Variants in CACNA1D observed in about 807,000 individuals in gnomAD.
The protein encoded by CACNA1D is calcium voltage-gated channel subunit alpha1 D, also known as voltage-dependent L-type calcium channel subunit alpha-1D.
In CACNA1D, 55 loss-of-function variants were observed where a neutral mutation model predicts 257.1. The ratio of observed to expected loss-of-function variants is 0.21; its 90% CI spans 0.17 to 0.27. The LOEUF is 0.27. Among genes scored for constraint, CACNA1D ranks in the 10% least tolerant of loss-of-function variants. The pLI is 1.00. For synonymous variants in CACNA1D, 980 were observed against 1,014.9 expected (o/e 0.97, Z 0.65); for missense variants, 1,876 against 2,784.0 (o/e 0.67, Z 7.34).
chr3:53,651,041 AC>A, intron 4 of CACNA1D, 123 bp downstream of exon 4: 3 of 865,616 alleles, frequency 3.5e-6, no homozygotes, highest in Non-Finnish European at 5.8e-6. Context: ...CAGCTGTTGC[AC>A]CAGAACCTCT....
At chr3:53,713,543 T>TGTGTGTGTGTGTGAGA (rs377132134) in intron 9 of CACNA1D, among the ~76,000 whole-genome samples, 7 of 120,932 alleles carry the variant, frequency 5.8e-5, no homozygotes, top group African/African-American at 1.8e-4. Context: ...TGTGTGTGTG[T>TGTGTGTGTGTGTGAGA]GAGAGATTTG....
chr3:53,679,865 AG>A (rs2094412872), intron 8 of CACNA1D: 3 of 152,220 alleles, frequency 2.0e-5, no homozygotes, highest in African/African-American at 7.2e-5. Context: ...GGAAAGATTC[AG>A]GGTCCTTCGG....
chr3:53,753,424 G>T (rs1216423518), intron 28 of CACNA1D, 148 bp from the exon 29 acceptor site: 3 of 712,830 alleles, frequency 4.2e-6, no homozygotes, highest in African/African-American at 3.5e-5. Flanking sequence ...TTCACCACAT[G>T]ACCTTGCAAT....
At chr3:53,553,847 C>T (rs892573165) in intron 3 of CACNA1D, among the ~76,000 whole-genome samples, 1 of 150,932 alleles carries the variant, frequency 6.6e-6, no homozygotes, top group Admixed American at 6.6e-5. Context: ...AAGGCCTAAG[C>T]CTTTGCAGTA....
intron 45 of CACNA1D, 35 bp downstream of exon 45, chr3:53,805,181 C>T (rs766717028): frequency 4.8e-5 from 77 of 1,602,184 alleles, no homozygotes; most frequent in Non-Finnish European, 6.3e-5. Flanking sequence ...GTGGAACCTC[C>T]CGGGGAACAG....
chr3:53,672,892 A>C, intron 7 of CACNA1D, 131 bp from the exon 8 acceptor site: 3 of 637,470 alleles, frequency 4.7e-6, no homozygotes, highest in Non-Finnish European at 8.4e-6. Flanking sequence ...TGATTTGGCT[A>C]CTGTTGTTTC....
intron 28 of CACNA1D, among the ~76,000 whole-genome samples, chr3:53,752,842 T>G (rs1576560840): frequency 6.6e-6 from 1 of 152,346 alleles, no homozygotes; most frequent in East Asian, 1.9e-4. Context: ...TTGACCTGAG[T>G]TACAGCTACT....
At chr3:53,740,628 A>AT (rs1430311767) in intron 21 of CACNA1D, 544 of 381,496 alleles carry the variant, frequency 1.4e-3, no homozygotes, top group African/African-American at 6.2e-3. Flanking sequence ...AAACCGAAGG[A>AT]TTTTTTTTTC....
At chr3:53,563,451 G>A (rs971804001) in intron 3 of CACNA1D, among the ~76,000 whole-genome samples, 2 of 151,638 alleles carry the variant, frequency 1.3e-5, no homozygotes, top group Non-Finnish European at 2.9e-5. Flanking sequence ...TTGAACCCGG[G>A]AGGCAGAGGT....
intron 7 of CACNA1D, 63 bp downstream of exon 7, chr3:53,666,598 C>A: frequency 7.4e-7 from 1 of 1,355,388 alleles, no homozygotes; most frequent in Non-Finnish European, 1.1e-6. Context: ...GTTTTGTGAG[C>A]TAGAGCCACT....
intron 3 of CACNA1D, among the ~76,000 whole-genome samples, chr3:53,524,979 A>T (rs1420056959): frequency 6.6e-6 from 1 of 152,148 alleles, no homozygotes; most frequent in Non-Finnish European, 1.5e-5. Flanking sequence ...GAGGCTCGGG[A>T]GAGTGGAACT....
At chr3:53,598,539 TGCACCACTG>T (rs773194701) in intron 3 of CACNA1D, among the ~76,000 whole-genome samples, 33 of 150,736 alleles carry the variant, frequency 2.2e-4, no homozygotes, top group Non-Finnish European at 4.0e-4. Context: ...GAACTGAGAT[TGCACCACTG>T]CACTCCAACC....
At chr3:53,570,314 G>T (rs1208524886) in intron 3 of CACNA1D, among the ~76,000 whole-genome samples, 2 of 152,166 alleles carry the variant, frequency 1.3e-5, no homozygotes, top group Admixed American at 1.3e-4. Flanking sequence ...TGTGGGGGAG[G>T]TTCTAAAATG....
rs530789782 is a variant in CACNA1D, at chr3:53,801,253, A to G, written c.5236A>G (p.Ile1746Val). ...TCATAACCATCATAACCATAATTCC[A>G]TAGGAAAGCAAGTTCCCACCTCAAC... ...VCHNHHNHNS[I>V]GKQVPTSTNA... The change falls in exon 42 of 48, where the codon ATA (isoleucine) becomes GTA (valine). Residue 1746 changes from isoleucine (I) to valine (V), a missense_variant. Around this residue, in one of 10 missense-constraint regions of CACNA1D, gnomAD observed 160 missense variants for 236.6 expected, o/e 0.68. Coordinates refer to ENST00000350061, the MANE Select transcript of CACNA1D (RefSeq NM_001128840.3). The G allele has an allele frequency of 2.5e-6, 4 of 1,614,050 alleles. No homozygotes were observed. Among genetic ancestry groups the G allele is most frequent in the Admixed American group, 3.3e-5 (2 of 60,016 alleles).
At chr3:53,543,047 C>T (rs561392009) in intron 3 of CACNA1D, among the ~76,000 whole-genome samples, 4 of 144,938 alleles carry the variant, frequency 2.8e-5, no homozygotes, top group East Asian at 3.9e-4. Context: ...AGCGAAACTC[C>T]GACTACATGT....
chr3:53,651,079 C>T, intron 4 of CACNA1D, 161 bp downstream of exon 4: 1 of 659,114 alleles, frequency 1.5e-6, no homozygotes, highest in South Asian at 1.7e-5. Flanking sequence ...GCTGGTGATG[C>T]TGCTGTCAGT....
At chr3:53,749,189 G>T in intron 26 of CACNA1D, 79 bp from the exon 27 acceptor site, 1 of 976,774 alleles carries the variant, frequency 1.0e-6, no homozygotes. Flanking sequence ...TCTGGAGAGG[G>T]AGGACCTGGG....
chr3:53,681,069 G>A (rs2094425307), intron 8 of CACNA1D, among the ~76,000 whole-genome samples: 1 of 152,212 alleles, frequency 6.6e-6, no homozygotes, highest in Non-Finnish European at 1.5e-5. Flanking sequence ...GTGCCACAGA[G>A]CAAAGGAGAG....
At chr3:53,760,418 C>G (rs2095294222) in intron 29 of CACNA1D, among the ~76,000 whole-genome samples, 1 of 152,198 alleles carries the variant, frequency 6.6e-6, no homozygotes, top group Non-Finnish European at 1.5e-5. Flanking sequence ...CTTAATGCAG[C>G]ACTAAATGTA....
Sources: allele counts gnomAD v4.1 joint callset (sites outside exome capture counted in the v4.1 genomes callset), GRCh38; gene constraint gnomAD v4.1.1; regional missense constraint gnomAD v4.1.1; transcripts MANE v1.5; gene names NCBI Gene and HGNC (gene_info 2026-07-23, HGNC 2026-07-21).